ZNF705G: variants seen among roughly 807,000 people sequenced by gnomAD.
ZNF705G encodes the protein putative zinc finger protein 705G.
In ZNF705G, 23 loss-of-function variants were observed where a neutral mutation model predicts 19.6. The observed-to-expected ratio is 1.17, with a 90% CI of 0.84 to 1.66. The LOEUF is 1.66. Among genes scored for constraint, ZNF705G ranks in the 40% most tolerant of loss-of-function variants. The pLI is 0.00. For missense variants in ZNF705G, 457 were observed against 354.4 expected (o/e 1.29, Z -2.32); for synonymous variants, 146 against 117.7 (o/e 1.24, Z -1.56).
intron 2 of ZNF705G, among the ~76,000 whole-genome samples, 170 bp from the exon 3 acceptor site, chr8:7,363,187 G>A (rs1391268607): frequency 2.7e-5 from 4 of 149,230 alleles, no homozygotes; most frequent in African/African-American, 1.0e-4. Flanking sequence ...TCAAAATTAA[G>A]AAGCCTATGA....
intron 3 of ZNF705G, among the ~76,000 whole-genome samples, chr8:7,362,363 T>C (rs1447405313): frequency 1.3e-5 from 2 of 149,766 alleles, no homozygotes; most frequent in Admixed American, 1.3e-4. Context: ...AAAGCTCAAA[T>C]ACATTTTATC....
intron 2 of ZNF705G, among the ~76,000 whole-genome samples, chr8:7,380,525 A>G (rs191626048): frequency 4.8e-5 from 7 of 147,264 alleles, no homozygotes; most frequent in South Asian, 4.2e-4. Context: ...CTGCCATCAC[A>G]GCTGTCACCA....
Position 7,360,347 on chromosome 8 carries a change from A to T in ZNF705G, c.140-15T>A, listed in dbSNP as rs746970796. On this transcript the variant is annotated splice_polypyrimidine_tract_variant and intron_variant, in intron 4 of 6. Coordinates refer to ENST00000400156, the MANE Select transcript of ZNF705G (RefSeq NM_001164457.3). ...TATCTGGTACCCTGTTAGTGGAAAG[A>T]ATACATGTGTTTTGAGTTCACTGTC... 6 of 1,588,090 alleles carry T rather than the reference A, an allele frequency of 3.8e-6. No homozygotes were observed. In the Admixed American group the frequency reaches 1.0e-4, roughly 27 times the overall value.
rs971632780 is a variant in ZNF705G, at chr8:7,368,588, C to T, written c.-71-5571G>A. Among the ~76,000 whole-genome samples the T allele has an allele frequency of 2.0e-5, 3 of 149,830 alleles. 1 individual carries two copies. Among genetic ancestry groups the T allele is most frequent in the African/African-American group, 7.7e-5 (3 of 39,198 alleles). ...AAGACCACTGGTATTGTCTGAAATT[C>T]AAGCAGGCTGCAGAAATTTGGGTAA... On this transcript the variant is annotated intron_variant, in intron 2 of 6. Transcript: ENST00000400156.
intron 1 of ZNF705G, among the ~76,000 whole-genome samples, chr8:7,383,302 C>T (rs925146500): frequency 2.0e-5 from 3 of 147,334 alleles, no homozygotes; most frequent in Non-Finnish European, 2.9e-5. Flanking sequence ...AGAAAGTATA[C>T]ACGGTAAAAC....
At chr8:7,360,166 T>C in intron 5 of ZNF705G, 71 bp downstream of exon 5, 1 of 1,488,348 alleles carries the variant, frequency 6.7e-7, no homozygotes, top group East Asian at 2.3e-5. Context: ...AAACCACTAA[T>C]TAATATTCAA....
At chr8:7,370,881 C>T (rs1330337904) in intron 2 of ZNF705G, among the ~76,000 whole-genome samples, 2 of 115,534 alleles carry the variant, frequency 1.7e-5, no homozygotes, top group African/African-American at 7.5e-5. Flanking sequence ...TACTATGCAG[C>T]CATAAAAAGG....
At position 7,359,640 on chromosome 8, in the gene ZNF705G, G is replaced by T. The variant is rs376679613; in HGVS notation, c.297C>A (p.Asp99Glu). 1 of 1,606,732 alleles carries T rather than the reference G, an allele frequency of 6.2e-7. No individual in the cohort carries two copies. The highest frequency in any genetic ancestry group is 8.5e-7 in the Non-Finnish European group (1 of 1,179,260). ...MISMHPITRK[D>E]ASTSMTMENS... ...TTACCATTGTCATACTGGTGGATGC[G>T]TCTTTTCTGGTGATAGGATGCATGG... The change falls in exon 6 of 7, where the codon GAC (aspartate) becomes GAA (glutamate). Residue 99 changes from aspartate (D) to glutamate (E), a missense_variant. Transcript: ENST00000400156.
In ZNF705G at chr8:7,356,963, G is replaced by C. The variant is rs1806299722; in HGVS notation, c.*1013C>G. On this transcript the variant is annotated 3_prime_UTR_variant, in exon 7 of 7. Transcript: ENST00000400156. ...TGAATAGATATTTTCTCAAATTTCTGAATTATTTTGCTAAAGTATGTGTTA... is the reference window on the plus strand; with the variant it reads ...TGAATAGATATTTTCTCAAATTTCTCAATTATTTTGCTAAAGTATGTGTTA... 1 of 149,692 alleles carries C rather than the reference G, an allele frequency of 6.7e-6. No individual in the cohort carries two copies. The highest frequency in any genetic ancestry group is 6.6e-5 in the Admixed American group (1 of 15,228). The allele number at this position is 149,692 out of a possible 1,614,324, so 9.3% of individuals were successfully genotyped here. A position where few individuals can be genotyped will look rare whatever the true frequency, so the allele number is the denominator to read the frequency against.
chr8:7,363,619 G>A (rs758696737), intron 2 of ZNF705G, among the ~76,000 whole-genome samples: 4 of 149,472 alleles, frequency 2.7e-5, no homozygotes, highest in African/African-American at 7.7e-5. Flanking sequence ...TCAAGTGTTC[G>A]AGACTAGCCT....
rs1256870396 is a variant in ZNF705G, at chr8:7,357,300, CCTT to C, written c.*673_*675del. ...ATTCATTGCCCTTGGAAAGATTTTC[CCTT>C]CTTATTTAGCTCATGAAGGCTTTCC... On this transcript the variant is annotated 3_prime_UTR_variant, in exon 7 of 7. Transcript: ENST00000400156. 11 of 151,668 alleles carry C rather than the reference CCTT, an allele frequency of 7.3e-5. 3 individuals are homozygous for C. The highest frequency in any genetic ancestry group is 2.8e-4 in the African/African-American group (11 of 39,256). 9.4% of individuals were successfully genotyped at this position (151,668 alleles called of 1,614,324 possible).
chr8:7,366,601 G>A lies in ZNF705G; in HGVS notation c.-71-3584C>T, dbSNP rs186640371. The stretch of plus-strand genomic sequence containing the variant: ...AAATAATAATACCTGAGTATAGTAC[G>A]TAAAAGTACCAATACAATAAAGCTA... On this transcript the variant is annotated intron_variant, in intron 2 of 6. Transcript: ENST00000400156. Among the ~76,000 whole-genome samples the A allele has an allele frequency of 8.6e-4, 129 of 149,660 alleles. 12 individuals carry two copies. Among genetic ancestry groups the A allele is most frequent in the African/African-American group, 2.7e-3 (107 of 39,080 alleles).
chr8:7,383,775 C>G (rs1316326350), intron 1 of ZNF705G, among the ~76,000 whole-genome samples: 1 of 148,070 alleles, frequency 6.8e-6, no homozygotes, highest in Non-Finnish European at 1.5e-5. Context: ...GAGAAGGAAG[C>G]GAGCTCTCTC....
intron 4 of ZNF705G, among the ~76,000 whole-genome samples, chr8:7,360,692 G>C (rs1247275392): frequency 2.7e-5 from 4 of 149,460 alleles, no homozygotes; most frequent in Non-Finnish European, 5.9e-5. Context: ...AAAAACATTC[G>C]ATTTACAAAA....
intron 2 of ZNF705G, among the ~76,000 whole-genome samples, chr8:7,368,679 T>G (rs573595565): frequency 1.9e-4 from 28 of 149,900 alleles, no homozygotes; most frequent in Middle Eastern, 3.4e-3. Flanking sequence ...TTTAGAGACC[T>G]TGGCTGGTGG....
chr8:7,369,272 G>T (rs1178854439), intron 2 of ZNF705G, among the ~76,000 whole-genome samples: 7 of 149,520 alleles, frequency 4.7e-5, no homozygotes, highest in Non-Finnish European at 8.8e-5. Flanking sequence ...CCTTTGCCTG[G>T]ATTTCTAAAG....
intron 2 of ZNF705G, among the ~76,000 whole-genome samples, chr8:7,370,577 G>C (rs1228497696): frequency 1.4e-5 from 2 of 145,140 alleles, no homozygotes; most frequent in Non-Finnish European, 3.0e-5. Context: ...CTGCTGATGA[G>C]GCTGCTGAGA....
At chr8:7,366,691 C>T (rs775741083) in intron 2 of ZNF705G, among the ~76,000 whole-genome samples, 11 of 149,598 alleles carry the variant, frequency 7.4e-5, no homozygotes, top group Non-Finnish European at 1.6e-4. Flanking sequence ...AAGTACTTAC[C>T]TCAATAAGGT....
rs1364063342 is a variant in ZNF705G at position 7,367,377 on chromosome 8, A to C, written c.-71-4360T>G. Among the ~76,000 whole-genome samples, 9 of 149,470 alleles carry C rather than the reference A, an allele frequency of 6.0e-5. 1 individual carries two copies. The highest frequency in any genetic ancestry group is 2.3e-4 in the African/African-American group (9 of 38,868). Reference sequence around the variant, plus strand: ...ATGGTCTACACCTGTTAACATCAAAAATGTGAGTTAAATGCAGACCCCAGG... The same window carrying C: ...ATGGTCTACACCTGTTAACATCAAACATGTGAGTTAAATGCAGACCCCAGG... On this transcript the variant is annotated intron_variant, in intron 2 of 6. Coordinates refer to ENST00000400156, the MANE Select transcript of ZNF705G (RefSeq NM_001164457.3).
Sources: allele counts gnomAD v4.1 joint callset (sites outside exome capture counted in the v4.1 genomes callset), GRCh38; gene constraint gnomAD v4.1.1; transcripts MANE v1.5; gene names NCBI Gene and HGNC (gene_info 2026-07-23, HGNC 2026-07-21).